MCTP2: variants seen among roughly 807,000 people sequenced by gnomAD.
The protein encoded by MCTP2 is multiple C2 and transmembrane domain containing 2, also known as multiple C2 and transmembrane domain-containing protein 2.
MCTP2 carries 132 observed loss-of-function variants against 111.6 expected under a neutral mutation model. That is an observed-to-expected ratio of 1.18 (90% CI 1.03 to 1.37). The LOEUF is 1.37. Among genes scored for constraint, MCTP2 ranks in the 40% most tolerant of loss-of-function variants. MCTP2 has a pLI of 0.00. For missense variants in MCTP2, 1,183 were observed against 1,067.9 expected, an observed-to-expected ratio of 1.11 and a Z score of -1.50; for synonymous variants, 395 against 387.7, an observed-to-expected ratio of 1.02 and a Z score of -0.22.
chr15:94,370,124 G>T lies in MCTP2; in HGVS notation c.1526G>T (p.Gly509Val). The change falls in exon 12 of 23, where the codon GGC (glycine) becomes GTC (valine). Residue 509 changes from glycine to valine, a missense_variant. Coordinates refer to ENST00000357742, the MANE Select transcript of MCTP2 (RefSeq NM_001385001.1). ...TCCCTGAAAGATGTGAAAGACGTCG[G>T]CATTCTACAAGTGAAGGTTTTAAAG... ...QNSLKDVKDV[G>V]ILQVKVLKAA... The T allele has an allele frequency of 6.2e-7, 1 of 1,613,018 alleles. No homozygotes were observed. The highest frequency in any genetic ancestry group is 8.5e-7 in the Non-Finnish European group (1 of 1,179,488).
intron 1 of MCTP2, among the ~76,000 whole-genome samples, chr15:94,271,655 A>T (rs2073912831): frequency 6.6e-6 from 1 of 152,188 alleles, no homozygotes; most frequent in Admixed American, 6.5e-5. Flanking sequence ...TAATATACTT[A>T]TTTGAAAGAT....
In MCTP2 at chr15:94,294,694, C is replaced by T. The variant is rs560537035; in HGVS notation, c.-65-3507C>T. On this transcript the variant is annotated intron_variant, in intron 1 of 22. Coordinates refer to ENST00000357742, the MANE Select transcript of MCTP2 (RefSeq NM_001385001.1). ...TAGATACACAGATTACAAACCTCTT[C>T]ATTTCATAAGAGGCTGATTCCCATT... Among the ~76,000 whole-genome samples, 71 of 152,260 alleles carry T rather than the reference C, an allele frequency of 4.7e-4. 1 individual carries two copies. Among genetic ancestry groups the T allele is most frequent in the African/African-American group, 1.6e-3 (65 of 41,536 alleles).
chr15:94,462,502 A>G (rs2085277010), intron 20 of MCTP2, among the ~76,000 whole-genome samples: 2 of 152,234 alleles, frequency 1.3e-5, no homozygotes, highest in Non-Finnish European at 2.9e-5. Flanking sequence ...GATTTTCTAT[A>G]GAAGATGTTC....
intron 14 of MCTP2, among the ~76,000 whole-genome samples, chr15:94,393,732 A>G (rs1478550083): frequency 5.9e-5 from 9 of 152,174 alleles, no homozygotes; most frequent in African/African-American, 2.2e-4. Flanking sequence ...GGAAAATACA[A>G]GTCAACCTAG....
intron 1 of MCTP2, among the ~76,000 whole-genome samples, chr15:94,289,365 T>C (rs1458367499): frequency 1.3e-5 from 2 of 152,148 alleles, no homozygotes; most frequent in Non-Finnish European, 2.9e-5. Flanking sequence ...GAATTCAATA[T>C]CTAGCTAAAA....
chr15:94,383,302 T>C (rs1025821262), intron 12 of MCTP2, among the ~76,000 whole-genome samples: 6 of 152,206 alleles, frequency 3.9e-5, no homozygotes, highest in Non-Finnish European at 5.9e-5. Flanking sequence ...ATAGTAATTA[T>C]GCAGATTGAC....
intron 1 of MCTP2, among the ~76,000 whole-genome samples, chr15:94,251,475 C>T (rs113844139): frequency 0.01 from 1,534 of 152,070 alleles, 21 homozygotes; most frequent in African/African-American, 0.028. Flanking sequence ...TCTCCTGCCT[C>T]GGCCTCCTGA....
At chr15:94,324,143 T>C (rs2076746311) in intron 4 of MCTP2, among the ~76,000 whole-genome samples, 1 of 152,146 alleles carries the variant, frequency 6.6e-6, no homozygotes, top group East Asian at 1.9e-4. Context: ...CCATTTCCCA[T>C]GGGAAGGAAT....
At chr15:94,331,200 T>C (rs118123495) in intron 4 of MCTP2, among the ~76,000 whole-genome samples, 176 of 152,338 alleles carry the variant, frequency 1.2e-3, no homozygotes, top group Non-Finnish European at 2.2e-3. Context: ...CATAAAAATA[T>C]TGGATGGGGA....
At chr15:94,336,646 G>A (rs1042821391) in intron 4 of MCTP2, among the ~76,000 whole-genome samples, 4 of 151,406 alleles carry the variant, frequency 2.6e-5, no homozygotes, top group Non-Finnish European at 5.9e-5. Flanking sequence ...ATTTTTAGAG[G>A]ACTGATGACT....
chr15:94,429,543 T>C (rs557794631), intron 17 of MCTP2, among the ~76,000 whole-genome samples: 1 of 152,306 alleles, frequency 6.6e-6, no homozygotes, highest in East Asian at 1.9e-4. Flanking sequence ...TAAAATACTT[T>C]ATCTATTTTC....
Position 94,482,217 on chromosome 15 carries a change from T to A in MCTP2, c.*3183T>A, listed in dbSNP as rs1178421050. On this transcript the variant is annotated 3_prime_UTR_variant, in exon 23 of 23. Coordinates refer to ENST00000357742, the MANE Select transcript of MCTP2 (RefSeq NM_001385001.1). ...AAGCAACAGCATGCCATGCTCAGAT[T>A]TAAGTTTGAAAAATATTCTAGCTGC... 6.6e-6 allele frequency: 1 copy of A among 152,222 alleles called. No individual in the cohort carries two copies. The highest frequency in any genetic ancestry group is 1.5e-5 in the Non-Finnish European group (1 of 68,036). 9.4% of individuals were successfully genotyped at this position (152,222 alleles called of 1,614,324 possible).
intron 19 of MCTP2, among the ~76,000 whole-genome samples, chr15:94,446,581 C>T (rs2084130126): frequency 6.6e-6 from 1 of 152,210 alleles, no homozygotes; most frequent in African/African-American, 2.4e-5. Flanking sequence ...GTTTTCATTA[C>T]AGAAGGTATA....
Position 94,476,655 on chromosome 15 carries a change from G to C in MCTP2, c.2471-41G>C, listed in dbSNP as rs534518974. ...AGATAGATAGATAGATAGATAGACA[G>C]ACAGACAGATAAAGAGATCTCCTGT... On this transcript the variant is annotated intron_variant, in intron 21 of 22. Transcript: ENST00000357742. 1.2e-4 allele frequency: 120 copies of C among 1,007,888 alleles called. No individual in the cohort carries two copies. The Middle Eastern group carries it at 1.7e-3, about 14-fold the overall frequency. The allele number at this position is 1,007,888 out of a possible 1,614,324, so 62.4% of individuals were successfully genotyped here. A position where few individuals can be genotyped will look rare whatever the true frequency, so the allele number is the denominator to read the frequency against.
chr15:94,430,393 TCACACACACACACA>T (rs35129445), intron 17 of MCTP2, among the ~76,000 whole-genome samples: 57 of 107,192 alleles, frequency 5.3e-4, no homozygotes, highest in African/African-American at 1.3e-3. Context: ...CCAAAAACAA[TCACACACACACACA>T]CACACACACA....
Position 94,401,873 on chromosome 15 carries a change from T to G in MCTP2, c.1966-27T>G, listed in dbSNP as rs115904410. On this transcript the variant is annotated intron_variant, in intron 16 of 22. Coordinates refer to ENST00000357742, the MANE Select transcript of MCTP2 (RefSeq NM_001385001.1). ...AATATTTGTAGTATTTAAATCTAGT[T>G]TCCTGTTTGTCATTTTTTAAAATCA... 112 of 1,582,858 alleles carry G rather than the reference T, an allele frequency of 7.1e-5. No individual in the cohort carries two copies. The African/African-American group carries it at 1.4e-3, about 20-fold the overall frequency.
chr15:94,422,799 A>G (rs2082686712), intron 17 of MCTP2, among the ~76,000 whole-genome samples: 1 of 152,088 alleles, frequency 6.6e-6, no homozygotes, highest in Non-Finnish European at 1.5e-5. Flanking sequence ...TTAAATTTTT[A>G]CCACTGTCAT....
intron 4 of MCTP2, among the ~76,000 whole-genome samples, chr15:94,324,614 G>T (rs199947448): frequency 6.6e-6 from 1 of 152,020 alleles, no homozygotes. Flanking sequence ...GATATCTGAC[G>T]TTCGTTTCTA....
intron 1 of MCTP2, among the ~76,000 whole-genome samples, chr15:94,282,269 C>T (rs1249916810): frequency 1.3e-5 from 2 of 152,112 alleles, no homozygotes; most frequent in African/African-American, 2.4e-5. Context: ...TTATCTTTGT[C>T]TGCCTGCGTT....
Sources: allele counts gnomAD v4.1 joint callset (sites outside exome capture counted in the v4.1 genomes callset), GRCh38; gene constraint gnomAD v4.1.1; transcripts MANE v1.5; gene names NCBI Gene and HGNC (gene_info 2026-07-23, HGNC 2026-07-21).